ZYG11B: variants seen among roughly 807,000 people sequenced by gnomAD.
ZYG11B encodes the protein protein zyg-11 homolog B.
Under a neutral mutation model 82.4 loss-of-function variants are expected in ZYG11B, and 36 were observed. The ratio of observed to expected loss-of-function variants is 0.44; its 90% CI spans 0.33 to 0.58. ZYG11B has a LOEUF of 0.58. Among genes scored for constraint, ZYG11B ranks in the 20% least tolerant of loss-of-function variants. The pLI is 0.02. For synonymous variants in ZYG11B, 303 were observed against 312.8 expected, an observed-to-expected ratio of 0.97 and a Z score of 0.33; for missense variants, 552 against 895.6, an observed-to-expected ratio of 0.62 and a Z score of 4.90.
chr1:52,779,808 G>C (rs201630236), intron 3 of ZYG11B, 45 bp from the exon 4 acceptor site: 2 of 1,608,450 alleles, frequency 1.2e-6, no homozygotes, highest in African/African-American at 2.7e-5. Flanking sequence ...TAATTAGATA[G>C]AGAAAGAGAG....
In ZYG11B at chr1:52,784,305, T is replaced by C. The variant is rs140585097; in HGVS notation, c.1093-572T>C. Among the ~76,000 whole-genome samples the C allele has an allele frequency of 2.6e-4, 40 of 152,314 alleles. No homozygotes were observed. In the East Asian group the frequency reaches 6.9e-3, roughly 26 times the overall value. ...CCATGCCTGGCCCCCAGTGAATTTT[T>C]GTATTGTTTTATACAGATGGGGTTT... On this transcript the variant is annotated intron_variant, in intron 4 of 13. Transcript: ENST00000294353.
intron 1 of ZYG11B, among the ~76,000 whole-genome samples, chr1:52,751,998 T>G (rs1644529754): frequency 6.6e-6 from 1 of 151,790 alleles, no homozygotes; most frequent in African/African-American, 2.4e-5. Context: ...GCAATTCTCC[T>G]ATTCTCAGCA....
intron 6 of ZYG11B, among the ~76,000 whole-genome samples, chr1:52,793,535 A>G (rs1644976684): frequency 6.6e-6 from 1 of 152,190 alleles, no homozygotes; most frequent in African/African-American, 2.4e-5. Context: ...ATTGGAATCC[A>G]AGCTGACTCC....
chr1:52,757,101 TA>T (rs2149930229), intron 2 of ZYG11B, among the ~76,000 whole-genome samples: 1 of 151,600 alleles, frequency 6.6e-6, no homozygotes, highest in Non-Finnish European at 1.5e-5. Flanking sequence ...TGGAGTACAG[TA>T]GCACAAAACT....
chr1:52,742,962 G>T (rs1197917798), intron 1 of ZYG11B, among the ~76,000 whole-genome samples: 7 of 151,616 alleles, frequency 4.6e-5, no homozygotes, highest in Admixed American at 2.6e-4. Context: ...CCGGCCAGCC[G>T]CCCCGTCCGG....
chr1:52,784,564 G>A (rs1644896997), intron 4 of ZYG11B, among the ~76,000 whole-genome samples: 1 of 152,180 alleles, frequency 6.6e-6, no homozygotes, highest in African/African-American at 2.4e-5. Flanking sequence ...AAGTCAGTGA[G>A]AATTTATTCA....
intron 2 of ZYG11B, among the ~76,000 whole-genome samples, chr1:52,759,689 C>A (rs1223514287): frequency 6.6e-6 from 1 of 152,176 alleles, no homozygotes; most frequent in Non-Finnish European, 1.5e-5. Flanking sequence ...AGATTTGATA[C>A]TACTGAGAAT....
At chr1:52,733,020 T>C (rs547025018) in intron 1 of ZYG11B, among the ~76,000 whole-genome samples, 50 of 152,270 alleles carry the variant, frequency 3.3e-4, no homozygotes, top group Non-Finnish European at 1.2e-4. Context: ...TTATTTTCCT[T>C]AGATAAAGCT....
intron 12 of ZYG11B, among the ~76,000 whole-genome samples, chr1:52,814,465 A>G: frequency 6.6e-6 from 1 of 152,240 alleles, no homozygotes; most frequent in East Asian, 1.9e-4. Context: ...GAACAAAGAC[A>G]TGGTGTCTGC....
intron 1 of ZYG11B, among the ~76,000 whole-genome samples, chr1:52,745,874 T>G (rs528677341): frequency 6.8e-6 from 1 of 147,848 alleles, no homozygotes; most frequent in East Asian, 2.0e-4. Context: ...GTTTTTTTTG[T>G]TTTGTTTTGT....
intron 1 of ZYG11B, among the ~76,000 whole-genome samples, chr1:52,734,410 A>G (rs904077638): frequency 6.6e-6 from 1 of 150,688 alleles, no homozygotes; most frequent in African/African-American, 2.4e-5. Context: ...TAAGCGGTAG[A>G]AATAGTCATT....
intron 2 of ZYG11B, among the ~76,000 whole-genome samples, chr1:52,767,845 T>C (rs1313011757): frequency 6.6e-6 from 1 of 152,180 alleles, no homozygotes; most frequent in African/African-American, 2.4e-5. Context: ...CTAGACTTCC[T>C]ATGACAGCAC....
chr1:52,771,825 G>T lies in ZYG11B; in HGVS notation c.951+51G>T, dbSNP rs1558128372. The T allele has an allele frequency of 6.5e-7, 1 of 1,540,228 alleles. No individual in the cohort carries two copies. ...TGTCAGGCTGACCAATATCTTAGTT[G>T]CATAAGACTCTATTAAAGATGAATG... is the stretch of plus-strand genomic sequence containing the variant. On this transcript the variant is annotated intron_variant, in intron 3 of 13. Coordinates refer to ENST00000294353, the MANE Select transcript of ZYG11B (RefSeq NM_024646.3). This position sits in a 1 kb window ranked among gnomAD's most constrained non-coding sequence, Gnocchi z 5.4.
intron 3 of ZYG11B, chr1:52,772,525 T>C: frequency 6.2e-7 from 1 of 1,609,920 alleles, no homozygotes; most frequent in Non-Finnish European, 8.5e-7. Flanking sequence ...AGGCCCTTCT[T>C]GGCCAGTTTG....
intron 3 of ZYG11B, among the ~76,000 whole-genome samples, chr1:52,772,862 A>G (rs984168839): frequency 2.0e-5 from 3 of 151,952 alleles, no homozygotes; most frequent in Admixed American, 1.3e-4. Context: ...TATTTTTAGT[A>G]GAGACAGAGT....
intron 3 of ZYG11B, among the ~76,000 whole-genome samples, chr1:52,774,895 A>G (rs936132422): frequency 3.3e-5 from 5 of 152,054 alleles, no homozygotes; most frequent in Non-Finnish European, 7.4e-5. Context: ...CTTATCCCAT[A>G]CTTGGATTAT....
At chr1:52,820,076 G>A (rs1375032200) in intron 13 of ZYG11B, among the ~76,000 whole-genome samples, 1 of 150,966 alleles carries the variant, frequency 6.6e-6, no homozygotes, top group East Asian at 2.1e-4. Context: ...ACCACGCCTG[G>A]CTAATTTTTT....
chr1:52,802,340 CTTTTTTTTT>C (rs397980205), intron 10 of ZYG11B, among the ~76,000 whole-genome samples: 84 of 78,082 alleles, frequency 1.1e-3, no homozygotes, highest in South Asian at 3.3e-3. Flanking sequence ...TTCTTTCTCT[CTTTTTTTTT>C]TTTTTTTTTT....
chr1:52,740,338 T>C (rs1357357847), intron 1 of ZYG11B, among the ~76,000 whole-genome samples: 1 of 152,224 alleles, frequency 6.6e-6, no homozygotes, highest in African/African-American at 2.4e-5. Flanking sequence ...CTCCTTGCCC[T>C]TTAGCACATA....
Sources: allele counts gnomAD v4.1 joint callset (sites outside exome capture counted in the v4.1 genomes callset), GRCh38; gene constraint gnomAD v4.1.1; non-coding constraint Gnocchi (gnomAD v3.1); transcripts MANE v1.5; gene names NCBI Gene and HGNC (gene_info 2026-07-23, HGNC 2026-07-21).